Variants in PTPN22 observed in about 807,000 individuals in gnomAD.
PTPN22 encodes the protein protein tyrosine phosphatase non-receptor type 22.
A neutral mutation model predicts 103.3 loss-of-function variants in PTPN22; 85 were observed. That is an observed-to-expected ratio of 0.82 (90% confidence interval 0.69 to 0.99). The LOEUF (loss-of-function observed/expected upper bound fraction) is 0.99, where lower values mean the gene tolerates loss of function less well. Ranked by LOEUF, PTPN22 falls within the 50% of genes least tolerant of loss-of-function variation. PTPN22 has a pLI of 0.00. For missense variants in PTPN22, 865 were observed against 936.9 expected (o/e 0.92, Z 1.00); for synonymous variants, 323 against 310.2 (o/e 1.04, Z -0.43).
chr1:113,871,256 A>C (rs778768642), intron 1 of PTPN22, among the ~76,000 whole-genome samples: 19 of 152,242 alleles, frequency 1.2e-4, no homozygotes, highest in Admixed American at 7.8e-4. Context: ...TGTTCAATTA[A>C]TATTAGTGTT....
intron 20 of PTPN22, among the ~76,000 whole-genome samples, chr1:113,817,608 TA>T (rs897504963): frequency 9.6e-5 from 14 of 146,262 alleles, no homozygotes; most frequent in Admixed American, 2.1e-4. Flanking sequence ...TGGCTAGTTC[TA>T]AAAAAAAAAC....
intron 15 of PTPN22, 73 bp downstream of exon 15, chr1:113,834,236 G>T (rs1662787178): frequency 7.2e-7 from 1 of 1,395,702 alleles, no homozygotes; most frequent in Non-Finnish European, 1.0e-6. Context: ...TGAATGATGG[G>T]TGTTAAAAAT....
rs775349189 is a variant in PTPN22, at chr1:113,829,973, A to C, written c.2110T>G (p.Ser704Ala). The C allele has an allele frequency of 9.3e-6, 15 of 1,605,912 alleles. No homozygotes were observed. The highest frequency in any genetic ancestry group is 1.2e-5 in the Non-Finnish European group (14 of 1,173,066). ...CAATCTTCATCGGCAAGAAAGAAGG[A>C]CTCTAGAGTTCTTTCTGGGAGAGGA... The change falls in exon 17 of 21, where the codon TCC (serine) becomes GCC (alanine). Residue 704 changes from serine to alanine, a missense_variant. Transcript: ENST00000359785.
Position 113,825,173 on chromosome 1 carries a change from C to G in PTPN22, c.2251-1G>C. On this transcript the variant is annotated splice_acceptor_variant, in intron 18 of 20. Transcript: ENST00000359785. LOFTEE classifies it high-confidence loss of function. ...TCATGTTTCGCAAAATTTTCAAACT[C>G]TACAAAAGAAAGGAAAAATGTTAGT... 8.8e-6 allele frequency: 13 copies of G among 1,484,052 alleles called. No individual in the cohort carries two copies. Among genetic ancestry groups the G allele is most frequent in the Non-Finnish European group, 1.2e-5 (13 of 1,083,032 alleles). 91.9% of individuals were successfully genotyped at this position (1,484,052 alleles called of 1,614,324 possible). A position where few individuals can be genotyped will look rare whatever the true frequency, so the allele number is the denominator to read the frequency against.
At chr1:113,863,690 T>A (rs913462281) in intron 1 of PTPN22, among the ~76,000 whole-genome samples, 1 of 152,144 alleles carries the variant, frequency 6.6e-6, no homozygotes, top group Admixed American at 6.5e-5. Flanking sequence ...ATCATTACTA[T>A]AATATACACA....
intron 18 of PTPN22, among the ~76,000 whole-genome samples, chr1:113,825,705 G>A (rs1045694033): frequency 1.4e-5 from 2 of 143,486 alleles, no homozygotes; most frequent in African/African-American, 4.9e-5. Context: ...ATTAATAAAT[G>A]TTGTTGTTGT....
At chr1:113,848,235 T>C (rs1161282549) in intron 11 of PTPN22, among the ~76,000 whole-genome samples, 2 of 150,594 alleles carry the variant, frequency 1.3e-5, no homozygotes, top group Non-Finnish European at 3.0e-5. Flanking sequence ...TTTTTGGAGA[T>C]GGGGTTCACC....
chr1:113,867,988 TA>T (rs1335945676), intron 1 of PTPN22, among the ~76,000 whole-genome samples: 1 of 152,266 alleles, frequency 6.6e-6, no homozygotes, highest in East Asian at 1.9e-4. Flanking sequence ...TTGTATATTT[TA>T]AATCATCTCT....
At position 113,838,630 on chromosome 1, in the gene PTPN22, A is replaced by G; in HGVS notation, c.916-10T>C. The G allele has an allele frequency of 6.2e-7, 1 of 1,610,134 alleles. No homozygotes were observed. Among genetic ancestry groups the G allele is most frequent in the Non-Finnish European group, 8.5e-7 (1 of 1,178,268 alleles). ...AATGCTTTGCTTGACTCTTTAAAAG[A>G]AATAAGTCAGAGGCTGGTTTTCAGT... On this transcript the variant is annotated splice_polypyrimidine_tract_variant and intron_variant, in intron 11 of 20. Transcript: ENST00000359785.
At chr1:113,856,928 T>A in intron 5 of PTPN22, 1 of 253,562 alleles carries the variant, frequency 3.9e-6, no homozygotes, top group South Asian at 7.4e-5. Flanking sequence ...CTAAGTGAAA[T>A]ACCTAGTTCC....
chr1:113,851,365 G>T (rs1033392615), intron 10 of PTPN22, among the ~76,000 whole-genome samples: 2 of 152,052 alleles, frequency 1.3e-5, no homozygotes, highest in African/African-American at 4.8e-5. Flanking sequence ...TATTGGTCAG[G>T]CTGGTCTCAA....
rs1666594962 is a variant in PTPN22 at position 113,871,641 on chromosome 1, A to G, written c.-18T>C. On this transcript the variant is annotated 5_prime_UTR_variant, in exon 1 of 21. Coordinates refer to ENST00000359785, the Ensembl canonical transcript of PTPN22. ...TGGTCCATGCTGCAGAGCAAGAAAA[A>G]TAGTCTATAAGTAGGTTGAGGGAGG... The G allele has an allele frequency of 2.5e-6, 4 of 1,611,856 alleles. No homozygotes were observed. In the South Asian group the frequency reaches 4.4e-5, roughly 18 times the overall value.
exon 13 of PTPN22, chr1:113,837,744 A>G: frequency 6.2e-7 from 1 of 1,613,694 alleles, no homozygotes; most frequent in South Asian, 1.1e-5. Context: ...TCTCAGGTAA[A>G]TCAAGAGACA....
intron 7 of PTPN22, among the ~76,000 whole-genome samples, chr1:113,855,805 G>A (rs1665005676): frequency 6.6e-6 from 1 of 152,118 alleles, no homozygotes; most frequent in Non-Finnish European, 1.5e-5. Flanking sequence ...TTTCCCAACT[G>A]GTATGCCTCC....
exon 21 of PTPN22, chr1:113,814,708 A>G: frequency 1.8e-6 from 1 of 545,308 alleles, no homozygotes; most frequent in Non-Finnish European, 3.2e-6. Flanking sequence ...TGCAGTTTTC[A>G]ACTCAATGCA....
chr1:113,857,425 C>T (rs952908721), intron 5 of PTPN22: 9 of 222,882 alleles, frequency 4.0e-5, no homozygotes, highest in Admixed American at 1.2e-4. Flanking sequence ...CAATATTGGA[C>T]GGCACAGGAT....
chr1:113,826,935 CT>C (rs1662132448), intron 18 of PTPN22, among the ~76,000 whole-genome samples: 1 of 152,026 alleles, frequency 6.6e-6, no homozygotes, highest in Non-Finnish European at 1.5e-5. Flanking sequence ...TCCCAAAGTG[CT>C]GGGATTACAG....
intron 16 of PTPN22, among the ~76,000 whole-genome samples, chr1:113,830,830 T>C (rs1662484789): frequency 1.3e-5 from 2 of 152,150 alleles, no homozygotes; most frequent in Admixed American, 1.3e-4. Flanking sequence ...GTATTACTAT[T>C]ATATTAATTC....
intron 13 of PTPN22, 36 bp from the exon 14 acceptor site, chr1:113,835,029 A>G (rs1046197292): frequency 1.6e-6 from 2 of 1,272,118 alleles, no homozygotes; most frequent in South Asian, 2.9e-5. Flanking sequence ...AACAATTGTT[A>G]ATTAGAACAA....
Sources: allele counts gnomAD v4.1 joint callset (sites outside exome capture counted in the v4.1 genomes callset), GRCh38; gene constraint gnomAD v4.1.1; transcripts MANE v1.5; gene names NCBI Gene and HGNC (gene_info 2026-07-23, HGNC 2026-07-21).